CHD1L: variants seen among roughly 807,000 people sequenced by gnomAD.
The protein encoded by CHD1L is ATP-dependent chromatin remodeler CHD1L.
CHD1L carries 118 observed loss-of-function variants against 115.9 expected under a neutral mutation model. The observed-to-expected ratio is 1.02, with a 90% CI of 0.88 to 1.19. CHD1L has a LOEUF of 1.19. Ranked by LOEUF, CHD1L falls within the 50% of genes most tolerant of loss-of-function variation. The pLI, the probability that CHD1L is intolerant of heterozygous loss-of-function variation, is 0.00. For synonymous variants in CHD1L, 411 were observed against 387.1 expected, an observed-to-expected ratio of 1.06 and a Z score of -0.72; for missense variants, 1,179 against 1,065.3, an observed-to-expected ratio of 1.11 and a Z score of -1.49.
At chr1:147,280,820 C>T (rs1680551061) in intron 15 of CHD1L, among the ~76,000 whole-genome samples, 1 of 152,142 alleles carries the variant, frequency 6.6e-6, no homozygotes, top group Non-Finnish European at 1.5e-5. Context: ...TCCCTGGCAT[C>T]TTGTAGTTAT....
Position 147,280,209 on chromosome 1 carries a change from G to A in CHD1L, c.1705+18G>A. 1 of 1,553,466 alleles carries A rather than the reference G, an allele frequency of 6.4e-7. No homozygotes were observed. On this transcript the variant is annotated intron_variant, in intron 15 of 22. Transcript: ENST00000369258. The stretch of plus-strand genomic sequence containing the variant: ...GGAAGGAAGTAAGTTGGAGGTTAGA[G>A]CAGAGCAAATGGCACAACCACCCCA...
intron 1 of CHD1L, among the ~76,000 whole-genome samples, chr1:147,250,018 C>T (rs1353373958): frequency 6.6e-6 from 1 of 151,970 alleles, no homozygotes; most frequent in South Asian, 2.1e-4. Flanking sequence ...GCATCAGTAG[C>T]CTTTTATTTT....
chr1:147,215,821 G>A, the CHD1L span: 5 of 1,613,526 alleles, frequency 3.1e-6, no homozygotes, highest in Non-Finnish European at 4.2e-6. Flanking sequence ...CAGGACCTGG[G>A]CATTATGCAT....
intron 2 of CHD1L, 36 bp downstream of exon 2, chr1:147,252,771 C>G (rs1367665493): frequency 6.9e-7 from 1 of 1,456,894 alleles, no homozygotes; most frequent in Non-Finnish European, 9.6e-7. Context: ...CTCACCGCCA[C>G]TGCGATACTT....
At chr1:147,247,049 T>C (rs1380128551) in intron 1 of CHD1L, among the ~76,000 whole-genome samples, 1 of 152,224 alleles carries the variant, frequency 6.6e-6, no homozygotes, top group African/African-American at 2.4e-5. Context: ...AGTGTATTTA[T>C]TTCCCTGGAG....
In CHD1L at chr1:147,252,702, G is replaced by T; in HGVS notation, c.207G>T (p.Leu69=). 6.2e-7 allele frequency: 1 copy of T among 1,614,048 alleles called. No homozygotes were observed. Among genetic ancestry groups the T allele is most frequent in the South Asian group, 1.1e-5 (1 of 91,042 alleles). The change falls in exon 2 of 23, where the codon CTG becomes CTT. Residue 69 remains leucine, a synonymous_variant. Coordinates refer to ENST00000369258, the MANE Select transcript of CHD1L (RefSeq NM_004284.6). ...TCCATTGTCAGAATGGCTGTATCCT[G>T]GGAGATGAGATGGGCCTGGGGAAGA... is the stretch of plus-strand genomic sequence containing the variant. ...QRFHCQNGCI[L]GDEMGLGKTC... is the part of the protein sequence containing the mutation.
At chr1:147,220,057 C>T in the CHD1L span, among the ~76,000 whole-genome samples, 9 of 152,102 alleles carry the variant, frequency 5.9e-5, no homozygotes, top group Non-Finnish European at 2.9e-5. Flanking sequence ...CCAGGCTGGT[C>T]TCGATCTCCT....
At chr1:147,262,068 C>T (rs782572931) in intron 6 of CHD1L, among the ~76,000 whole-genome samples, 12 of 151,732 alleles carry the variant, frequency 7.9e-5, no homozygotes, top group Admixed American at 2.6e-4. Context: ...TGGTGGTGGG[C>T]GCCTGTAGTC....
the CHD1L span, among the ~76,000 whole-genome samples, chr1:147,232,654 A>C: frequency 6.6e-6 from 1 of 151,966 alleles, no homozygotes; most frequent in Non-Finnish European, 1.5e-5. Context: ...ACGCGCCGCC[A>C]CGCCTGACTG....
At chr1:147,202,184 G>A in the CHD1L span, among the ~76,000 whole-genome samples, 3 of 151,802 alleles carry the variant, frequency 2.0e-5, no homozygotes, top group Non-Finnish European at 4.4e-5. Flanking sequence ...TTGTTTCCTA[G>A]GGACAGCGTA....
At chr1:147,196,914 G>T in the CHD1L span, among the ~76,000 whole-genome samples, 1 of 152,090 alleles carries the variant, frequency 6.6e-6, no homozygotes, top group African/African-American at 2.4e-5. Context: ...TCATTACCTT[G>T]GTTTAAAGCT....
the CHD1L span, among the ~76,000 whole-genome samples, chr1:147,211,930 T>C: frequency 6.6e-6 from 1 of 151,946 alleles, no homozygotes; most frequent in Non-Finnish European, 1.5e-5. Flanking sequence ...ATTTGGGGAG[T>C]GTAAAGGAAA....
the CHD1L span, among the ~76,000 whole-genome samples, chr1:147,201,746 G>T: frequency 6.6e-6 from 1 of 152,152 alleles, no homozygotes; most frequent in African/African-American, 2.4e-5. Flanking sequence ...AGTGTTGTTT[G>T]AGGAGTGCAT....
the CHD1L span, among the ~76,000 whole-genome samples, chr1:147,177,355 A>C: frequency 6.6e-6 from 1 of 152,256 alleles, no homozygotes; most frequent in South Asian, 2.1e-4. Context: ...ATGAGTTCAT[A>C]CTGATACAAG....
At chr1:147,204,066 C>T in the CHD1L span, 1 of 1,149,016 alleles carries the variant, frequency 8.7e-7, no homozygotes, top group Non-Finnish European at 1.3e-6. Context: ...GTTACTACAA[C>T]ATTTGCACCA....
chr1:147,201,351 A>C, the CHD1L span: 8 of 1,614,086 alleles, frequency 5.0e-6, no homozygotes, highest in East Asian at 8.9e-5. Flanking sequence ...AGCCTGTGGC[A>C]AAGATAACAG....
chr1:147,190,858 G>A, the CHD1L span, among the ~76,000 whole-genome samples: 5,561 of 151,628 alleles, frequency 0.037, 150 homozygotes, highest in South Asian at 0.095. Context: ...AACAGTCCCT[G>A]GAGTGTGATG....
chr1:147,295,649 C>A lies in CHD1L; in HGVS notation c.*140C>A, dbSNP rs903244346. The A allele has an allele frequency of 1.5e-5, 10 of 655,306 alleles. No homozygotes were observed. The highest frequency in any genetic ancestry group is 2.5e-5 in the Non-Finnish European group (10 of 399,386). The allele number at this position is 655,306 out of a possible 1,614,324, so 40.6% of individuals were successfully genotyped here. Reference sequence around the variant, plus strand: ...CTTTTCTGAGTTTCAGTTTGGTTCTCCTGGATGTTTTGCTCTGTTTTGGTA... The same window carrying A: ...CTTTTCTGAGTTTCAGTTTGGTTCTACTGGATGTTTTGCTCTGTTTTGGTA... On this transcript the variant is annotated 3_prime_UTR_variant, in exon 23 of 23. Coordinates refer to ENST00000369258, the MANE Select transcript of CHD1L (RefSeq NM_004284.6).
chr1:147,265,305 T>C (rs1673468242), intron 7 of CHD1L, among the ~76,000 whole-genome samples: 1 of 152,228 alleles, frequency 6.6e-6, no homozygotes, highest in African/African-American at 2.4e-5. Flanking sequence ...ATAAGACTTC[T>C]AGTCAAATGC....
Sources: allele counts gnomAD v4.1 joint callset (sites outside exome capture counted in the v4.1 genomes callset), GRCh38; gene constraint gnomAD v4.1.1; transcripts MANE v1.5; gene names NCBI Gene and HGNC (gene_info 2026-07-23, HGNC 2026-07-21).